Variants in YTHDC2 observed in about 807,000 individuals in gnomAD.
YTHDC2 encodes 3'-5' RNA helicase YTHDC2.
In YTHDC2, 45 loss-of-function variants were observed where a neutral mutation model predicts 174.9. That is an observed-to-expected ratio of 0.26 (90% CI 0.20 to 0.33). The LOEUF (loss-of-function observed/expected upper bound fraction) is 0.33. YTHDC2 is among the 10% of genes least tolerant of loss of function. The pLI, the probability that YTHDC2 is intolerant of heterozygous loss-of-function variation, is 1.00. For missense variants in YTHDC2, 1,650 were observed against 1,723.7 expected, an observed-to-expected ratio of 0.96 and a Z score of 0.76; for synonymous variants, 657 against 574.5, an observed-to-expected ratio of 1.14 and a Z score of -2.05.
At chr5:113,584,236 A>G (rs1247495375) in intron 25 of YTHDC2, 66 bp from the exon 26 acceptor site, 3 of 1,381,188 alleles carry the variant, frequency 2.2e-6, no homozygotes, top group East Asian at 2.3e-5. Context: ...ATAAACTTAT[A>G]CATAACTGAT....
chr5:113,560,900 G>A (rs1776918605), intron 17 of YTHDC2, among the ~76,000 whole-genome samples, 180 bp from the exon 18 acceptor site: 1 of 152,154 alleles, frequency 6.6e-6, no homozygotes, highest in Non-Finnish European at 1.5e-5. Flanking sequence ...AAATAATTGA[G>A]ACCCAGACTA....
chr5:113,585,828 T>G (rs1778648606), intron 26 of YTHDC2, among the ~76,000 whole-genome samples: 1 of 151,888 alleles, frequency 6.6e-6, no homozygotes, highest in African/African-American at 2.4e-5. Context: ...TATTATTAGT[T>G]TATCTAATTA....
intron 4 of YTHDC2, among the ~76,000 whole-genome samples, chr5:113,528,011 T>A (rs1193233637): frequency 2.0e-5 from 3 of 152,210 alleles, no homozygotes; most frequent in Non-Finnish European, 4.4e-5. Context: ...CCAGAGAATT[T>A]GTTTAGCTGT....
intron 23 of YTHDC2, among the ~76,000 whole-genome samples, chr5:113,573,176 C>G (rs947057568): frequency 1.4e-4 from 22 of 152,116 alleles, no homozygotes; most frequent in African/African-American, 5.1e-4. Flanking sequence ...GTGACATATT[C>G]CCTCAGCATT....
At chr5:113,565,404 A>G (rs1777267325) in intron 20 of YTHDC2, among the ~76,000 whole-genome samples, 1 of 152,218 alleles carries the variant, frequency 6.6e-6, no homozygotes, top group African/African-American at 2.4e-5. Context: ...TTTTAGTTAT[A>G]TATATACCAA....
chr5:113,513,764 G>A lies in YTHDC2; in HGVS notation c.-132G>A. On this transcript the variant is annotated 5_prime_UTR_variant, in exon 1 of 30. Transcript: ENST00000161863. ...CTGTGGCGGTGACTGAGGCCTTTCT[G>A]GTGACCTCAGCCCAACACAGGCCGT... 3.1e-6 allele frequency: 3 copies of A among 971,074 alleles called. No homozygotes were observed. Among genetic ancestry groups the A allele is most frequent in the Non-Finnish European group, 4.3e-6 (3 of 691,976 alleles). The allele number at this position is 971,074 out of a possible 1,614,324, so 60.2% of individuals were successfully genotyped here.
intron 12 of YTHDC2, among the ~76,000 whole-genome samples, chr5:113,552,823 GTTA>G (rs1776337508): frequency 6.6e-6 from 1 of 152,068 alleles, no homozygotes; most frequent in Non-Finnish European, 1.5e-5. Context: ...TCCAACACTT[GTTA>G]TTGTCTGTCT....
chr5:113,554,531 C>A (rs1776471590), intron 16 of YTHDC2, among the ~76,000 whole-genome samples: 1 of 151,888 alleles, frequency 6.6e-6, no homozygotes, highest in Admixed American at 6.6e-5. Flanking sequence ...AATAGATAAA[C>A]CATGGGATAA....
intron 17 of YTHDC2, 58 bp from the exon 18 acceptor site, chr5:113,561,020 TAC>T: frequency 7.2e-7 from 1 of 1,380,838 alleles, no homozygotes; most frequent in Non-Finnish European, 9.9e-7. Context: ...ACATTGCGTT[TAC>T]AGTTTATTGT....
At chr5:113,582,974 T>G (rs1004982330) in intron 25 of YTHDC2, 1 of 152,158 alleles carries the variant, frequency 6.6e-6, no homozygotes, top group African/African-American at 2.4e-5. Context: ...TTTTTGAAAA[T>G]ATTGTTCTAG....
chr5:113,584,618 A>G, intron 26 of YTHDC2, 139 bp downstream of exon 26: 4 of 702,660 alleles, frequency 5.7e-6, no homozygotes, highest in African/African-American at 3.6e-5. Context: ...AGCAAACTTG[A>G]TACAGTTTGA....
chr5:113,539,030 C>A lies in YTHDC2; in HGVS notation c.1103-44C>A, dbSNP rs745600481. The A allele has an allele frequency of 4.1e-6, 4 of 978,424 alleles. No individual in the cohort carries two copies. The African/African-American group carries it at 5.2e-5, about 13-fold the overall frequency. 60.6% of individuals were successfully genotyped at this position (978,424 alleles called of 1,614,324 possible). On this transcript the variant is annotated intron_variant, in intron 7 of 29. Coordinates refer to ENST00000161863, the MANE Select transcript of YTHDC2 (RefSeq NM_022828.5). ...ATTTTCATGTTTTTATGTGAATTTT[C>A]TCCAAGATGCAAGTTGAGTATTTAA...
chr5:113,581,921 T>G, intron 25 of YTHDC2: 1 of 361,098 alleles, frequency 2.8e-6, no homozygotes, highest in East Asian at 4.6e-5. Flanking sequence ...ACTATTGATA[T>G]CTGTGAGTTA....
rs113437702 is a variant in YTHDC2 at position 113,513,922 on chromosome 5, G to T, written c.27G>T (p.Pro9=). 1.2e-6 allele frequency: 2 copies of T among 1,605,452 alleles called. No individual in the cohort carries two copies. Among genetic ancestry groups the T allele is most frequent in the Non-Finnish European group, 1.7e-6 (2 of 1,176,642 alleles). ...TGTCCAGGCCGAGCAGCGTCTCCCC[G>T]CGGCAGCCGGCTCCTGGCGGTGGCG... The part of the protein sequence containing the change: MSRPSSVS[P]RQPAPGGGGG... The change falls in exon 1 of 30, where the codon CCG becomes CCT. Residue 9 remains proline (P), a synonymous_variant. Transcript: ENST00000161863.
chr5:113,590,969 A>T, intron 26 of YTHDC2, 72 bp from the exon 27 acceptor site: 1 of 1,265,972 alleles, frequency 7.9e-7, no homozygotes, highest in Non-Finnish European at 1.1e-6. Context: ...GTTTATGAAG[A>T]TGTTATTTAA....
At chr5:113,556,980 T>A (rs796132455) in intron 17 of YTHDC2, among the ~76,000 whole-genome samples, 3 of 152,212 alleles carry the variant, frequency 2.0e-5, no homozygotes, top group African/African-American at 7.2e-5. Flanking sequence ...CTGTGTGTTC[T>A]TATATGGAAT....
At chr5:113,586,578 G>T (rs1201878041) in intron 26 of YTHDC2, among the ~76,000 whole-genome samples, 3 of 151,370 alleles carry the variant, frequency 2.0e-5, no homozygotes, top group African/African-American at 7.3e-5. Flanking sequence ...AAGAAATTTT[G>T]TGTACCAAAC....
chr5:113,543,627 T>C (rs1480342723), intron 10 of YTHDC2, among the ~76,000 whole-genome samples: 1 of 152,242 alleles, frequency 6.6e-6, no homozygotes, highest in East Asian at 1.9e-4. Context: ...ATCATTCCAC[T>C]TGCTTGTTCT....
chr5:113,554,742 T>TAAA (rs35806169), intron 16 of YTHDC2, among the ~76,000 whole-genome samples: 1 of 144,804 alleles, frequency 6.9e-6, no homozygotes, highest in African/African-American at 2.5e-5. Context: ...ACCTTTGTTA[T>TAAA]AAAAAAAAAA....
Sources: allele counts gnomAD v4.1 joint callset (sites outside exome capture counted in the v4.1 genomes callset), GRCh38; gene constraint gnomAD v4.1.1; transcripts MANE v1.5; gene names NCBI Gene and HGNC (gene_info 2026-07-23, HGNC 2026-07-21).